Variants in SYT16 observed in about 807,000 individuals in gnomAD.
SYT16 encodes the protein synaptotagmin-16.
In SYT16, 42 loss-of-function variants were observed where a neutral mutation model predicts 61.4. That is an observed-to-expected ratio of 0.68 (90% CI 0.53 to 0.89). The LOEUF is 0.89. Ranked by LOEUF, SYT16 falls within the 40% of genes least tolerant of loss-of-function variation. The probability of loss-of-function intolerance (pLI) is 0.00; values close to 1 mark genes in which losing one functional copy is unlikely to be tolerated. For missense variants in SYT16, 804 were observed against 807.3 expected (o/e 1.00, Z 0.05); for synonymous variants, 314 against 302.3 (o/e 1.04, Z -0.40).
chr14:61,877,291 G>C (rs1186020389), intron 1 of SYT16, among the ~76,000 whole-genome samples: 3 of 152,088 alleles, frequency 2.0e-5, no homozygotes, highest in African/African-American at 7.2e-5. Flanking sequence ...CCTCAGGGAG[G>C]GAAGGTTGTC....
At chr14:61,907,288 A>G (rs2048760374) in intron 1 of SYT16, among the ~76,000 whole-genome samples, 2 of 152,244 alleles carry the variant, frequency 1.3e-5, no homozygotes, top group South Asian at 2.1e-4. Context: ...TGAGACATGT[A>G]TATTAACTAG....
intron 1 of SYT16, among the ~76,000 whole-genome samples, chr14:61,962,103 C>T (rs575558347): frequency 6.6e-6 from 1 of 151,994 alleles, no homozygotes; most frequent in African/African-American, 2.4e-5. Flanking sequence ...ACAACAGACA[C>T]CAGGGCCTAC....
intron 1 of SYT16, among the ~76,000 whole-genome samples, chr14:61,840,633 A>G (rs905694845): frequency 5.3e-5 from 8 of 151,754 alleles, no homozygotes; most frequent in African/African-American, 1.9e-4. Context: ...GACAATTTTA[A>G]TGTCATAAAG....
chr14:62,044,468 C>G (rs191660943), intron 3 of SYT16, among the ~76,000 whole-genome samples: 2 of 152,056 alleles, frequency 1.3e-5, no homozygotes, highest in East Asian at 3.9e-4. Context: ...CCACCCCCAA[C>G]AGGCCCTGGT....
intron 1 of SYT16, among the ~76,000 whole-genome samples, chr14:61,955,623 C>T (rs2050845452): frequency 6.6e-6 from 1 of 151,566 alleles, no homozygotes; most frequent in South Asian, 2.1e-4. Flanking sequence ...GGCAGGATTT[C>T]TTTTTTTTAA....
intron 1 of SYT16, among the ~76,000 whole-genome samples, chr14:61,959,605 A>T (rs2051033551): frequency 6.6e-6 from 1 of 152,134 alleles, no homozygotes. Context: ...TTCTGTGGTT[A>T]TAGTTATTCT....
At chr14:61,914,417 C>A (rs1163834365) in intron 1 of SYT16, among the ~76,000 whole-genome samples, 3 of 152,204 alleles carry the variant, frequency 2.0e-5, no homozygotes, top group African/African-American at 4.8e-5. Flanking sequence ...TTAGGACTCT[C>A]TATTTTTATC....
intron 1 of SYT16, among the ~76,000 whole-genome samples, chr14:61,819,411 A>T (rs1228474342): frequency 6.6e-6 from 1 of 152,236 alleles, no homozygotes; most frequent in Non-Finnish European, 1.5e-5. Flanking sequence ...CACAGCTGTC[A>T]TCCTTCCATT....
At chr14:62,054,942 G>C (rs1308453511) in intron 3 of SYT16, among the ~76,000 whole-genome samples, 1 of 152,130 alleles carries the variant, frequency 6.6e-6, no homozygotes, top group Non-Finnish European at 1.5e-5. Context: ...ATCTTTTTCA[G>C]CCTGTTTACA....
chr14:61,991,241 T>C (rs889343790), intron 2 of SYT16, among the ~76,000 whole-genome samples: 8 of 152,068 alleles, frequency 5.3e-5, no homozygotes, highest in South Asian at 2.1e-4. Context: ...CCATTTCAAT[T>C]GTAATAATGG....
chr14:61,826,980 C>T (rs569971312), intron 1 of SYT16, among the ~76,000 whole-genome samples: 1 of 151,956 alleles, frequency 6.6e-6, no homozygotes, highest in African/African-American at 2.4e-5. Context: ...GGAAGCCCAC[C>T]AGTTCCATTA....
intron 5 of SYT16, among the ~76,000 whole-genome samples, chr14:62,078,999 G>C (rs1458386448): frequency 5.9e-5 from 9 of 152,120 alleles, no homozygotes. Context: ...ATGGTATTTG[G>C]CATAAGAAAT....
Position 61,845,039 on chromosome 14 carries a change from C to CTTTTTT in SYT16, c.-325+32250_-325+32255dup, listed in dbSNP as rs35131511. Among the ~76,000 whole-genome samples the CTTTTTT allele has an allele frequency of 1.2e-4, 12 of 97,620 alleles. 1 individual carries two copies. Among genetic ancestry groups the CTTTTTT allele is most frequent in the African/African-American group, 3.8e-4 (8 of 20,984 alleles). 64.0% of individuals were successfully genotyped at this position (97,620 alleles called of 152,430 possible). ...TTGCAAGCTTTTCTTTACTAGAAGA[C>CTTTTTT]TTTTTTTTTTTTTTTTTTTTTTTTT... On this transcript the variant is annotated intron_variant, in intron 1 of 7. Coordinates refer to ENST00000683842, the MANE Select transcript of SYT16 (RefSeq NM_001367656.1).
At chr14:62,075,821 GA>G (rs2056476816) in intron 5 of SYT16, among the ~76,000 whole-genome samples, 1 of 152,084 alleles carries the variant, frequency 6.6e-6, no homozygotes, top group Admixed American at 6.5e-5. Context: ...ACGATTATTT[GA>G]TATGAAAATT....
At chr14:61,929,940 G>A (rs2049698327) in intron 1 of SYT16, among the ~76,000 whole-genome samples, 2 of 152,114 alleles carry the variant, frequency 1.3e-5, no homozygotes, top group South Asian at 4.1e-4. Context: ...CAGTTACATG[G>A]TGTGCTTAGG....
chr14:62,038,111 T>C (rs1001966497), intron 3 of SYT16, among the ~76,000 whole-genome samples: 3 of 151,910 alleles, frequency 2.0e-5, no homozygotes, highest in Non-Finnish European at 4.4e-5. Flanking sequence ...CAGCTCTAAA[T>C]AGGATGTGGA....
intron 2 of SYT16, among the ~76,000 whole-genome samples, chr14:61,977,731 A>G (rs553796751): frequency 6.6e-6 from 1 of 152,096 alleles, no homozygotes; most frequent in Non-Finnish European, 1.5e-5. Context: ...TCCCAACTTA[A>G]TCCACTACTT....
At chr14:61,887,099 G>C (rs1051795369) in intron 1 of SYT16, among the ~76,000 whole-genome samples, 3 of 152,080 alleles carry the variant, frequency 2.0e-5, no homozygotes, top group African/African-American at 4.8e-5. Context: ...TGATCAGTGG[G>C]CTGCAGAGTG....
intron 3 of SYT16, among the ~76,000 whole-genome samples, chr14:62,004,028 G>A (rs1451760047): frequency 2.0e-5 from 3 of 152,170 alleles, no homozygotes; most frequent in African/African-American, 7.2e-5. Context: ...GATTGGGAAG[G>A]TCTTTGGTTT....
Sources: gnomAD v4.1 joint callset for allele counts (sites outside exome capture counted in the v4.1 genomes callset) on GRCh38, gnomAD v4.1.1 for gene constraint, MANE v1.5 for transcripts, NCBI Gene and HGNC (gene_info 2026-07-23, HGNC 2026-07-21) for gene names.